LRP1B: variants seen among roughly 807,000 people sequenced by gnomAD.
LRP1B encodes low-density lipoprotein receptor-related protein 1B.
LRP1B carries 217 observed loss-of-function variants against 556.6 expected under a neutral mutation model. The observed-to-expected ratio is 0.39, with a 90% CI of 0.35 to 0.44. The LOEUF (loss-of-function observed/expected upper bound fraction) is 0.44. LRP1B is among the 20% of genes least tolerant of loss of function. The pLI is 1.00. For synonymous variants in LRP1B, 2,047 were observed against 1,865.8 expected (o/e 1.10, Z -2.50); for missense variants, 5,053 against 5,620.8 (o/e 0.90, Z 3.23).
chr2:141,910,126 G>C (rs1699868822), intron 1 of LRP1B, among the ~76,000 whole-genome samples: 1 of 130,806 alleles, frequency 7.6e-6, no homozygotes, highest in Non-Finnish European at 1.6e-5. Context: ...GGGTGACAGA[G>C]CGAGACTCCA....
At chr2:140,354,380 A>G (rs556113881) in intron 75 of LRP1B, among the ~76,000 whole-genome samples, 1 of 152,220 alleles carries the variant, frequency 6.6e-6, no homozygotes, top group Non-Finnish European at 1.5e-5. Context: ...TTTGCCTAAG[A>G]ACACATAAGC....
At chr2:141,329,214 C>G (rs539119617) in intron 3 of LRP1B, among the ~76,000 whole-genome samples, 1 of 151,484 alleles carries the variant, frequency 6.6e-6, no homozygotes, top group African/African-American at 2.4e-5. Flanking sequence ...ATGGTGAAAC[C>G]CTGTCTCCAC....
chr2:141,909,524 ACATTT>A (rs1699848168), intron 1 of LRP1B, among the ~76,000 whole-genome samples: 3 of 104,486 alleles, frequency 2.9e-5, no homozygotes, highest in Non-Finnish European at 3.9e-5. Flanking sequence ...AAGGTCTCAG[ACATTT>A]TTTTTTTTTT....
chr2:141,892,499 CA>C (rs11348420), intron 1 of LRP1B, among the ~76,000 whole-genome samples: 129,620 of 151,858 alleles, frequency 0.85, 55,590 homozygotes, highest in East Asian at 1. Flanking sequence ...CACAATAATG[CA>C]TTGAAGCTTC....
intron 1 of LRP1B, among the ~76,000 whole-genome samples, chr2:142,116,192 C>CAAAAAAAAAA (rs70994477): frequency 8.7e-4 from 57 of 65,412 alleles, no homozygotes; most frequent in Non-Finnish European, 1.2e-3. Flanking sequence ...GAGTCTGTCT[C>CAAAAAAAAAA]AAAAAAAAAA....
chr2:141,794,626 A>G (rs1043512118), intron 2 of LRP1B, among the ~76,000 whole-genome samples: 1 of 152,046 alleles, frequency 6.6e-6, no homozygotes, highest in Admixed American at 6.6e-5. Context: ...TTTATGATAC[A>G]TAAGATATTT....
Position 140,270,249 on chromosome 2 carries a change from C to A in LRP1B, c.13240G>T (p.Val4414Leu). 1 of 1,609,958 alleles carries A rather than the reference C, an allele frequency of 6.2e-7. No homozygotes were observed. Among genetic ancestry groups the A allele is most frequent in the Non-Finnish European group, 8.5e-7 (1 of 1,176,816 alleles). The change falls in exon 86 of 91, where the codon GTG becomes TTG. Residue 4414 changes from valine (V) to leucine (L), a missense_variant. Physicochemically the swap from Val to Leu is conservative, Grantham distance 32 (BLOSUM62 1). Coordinates refer to ENST00000389484, the MANE Select transcript of LRP1B (RefSeq NM_018557.3). ...CQLDPETNVP[V>L]CLCSTNWSGT... ...ACTTGATTAAATACTCACAGACACA[C>A]AGGTACATTTGTCTCGGGGTCCAGC... is the stretch of plus-strand genomic sequence containing the variant.
intron 1 of LRP1B, among the ~76,000 whole-genome samples, chr2:142,012,535 C>T (rs1411956694): frequency 6.6e-6 from 1 of 152,064 alleles, no homozygotes; most frequent in Non-Finnish European, 1.5e-5. Context: ...TCCATAAGTG[C>T]TGCCTGTTTC....
At chr2:140,700,073 G>T (rs1356442593) in intron 41 of LRP1B, among the ~76,000 whole-genome samples, 177 bp downstream of exon 41, 1 of 125,954 alleles carries the variant, frequency 7.9e-6, no homozygotes, top group African/African-American at 2.9e-5. Flanking sequence ...GCAATTAATT[G>T]CTTCTTTGAC....
At chr2:141,963,374 G>T (rs1481196165) in intron 1 of LRP1B, among the ~76,000 whole-genome samples, 2 of 151,970 alleles carry the variant, frequency 1.3e-5, no homozygotes, top group South Asian at 4.1e-4. Flanking sequence ...AACATTTATA[G>T]TAAGACAAGA....
intron 7 of LRP1B, among the ~76,000 whole-genome samples, chr2:141,158,507 T>C (rs1702123512): frequency 6.6e-6 from 1 of 152,118 alleles, no homozygotes; most frequent in South Asian, 2.1e-4. Context: ...GAGTCTATGC[T>C]CACCTCACTC....
At chr2:141,956,325 A>G (rs578161272) in intron 1 of LRP1B, among the ~76,000 whole-genome samples, 12 of 152,192 alleles carry the variant, frequency 7.9e-5, no homozygotes, top group African/African-American at 2.9e-4. Context: ...TTTAACTCAT[A>G]TTTATTTGAT....
At chr2:140,804,043 T>C (rs1690622529) in intron 32 of LRP1B, among the ~76,000 whole-genome samples, 1 of 150,176 alleles carries the variant, frequency 6.7e-6, no homozygotes, top group Non-Finnish European at 1.5e-5. Context: ...CTTTTTACAT[T>C]CAGGGGAAGA....
At chr2:141,210,584 T>C (rs1489502668) in intron 6 of LRP1B, among the ~76,000 whole-genome samples, 1 of 152,178 alleles carries the variant, frequency 6.6e-6, no homozygotes, top group Non-Finnish European at 1.5e-5. Flanking sequence ...AAAATGAACC[T>C]GATAAATTTC....
At chr2:142,097,064 A>AAAAC (rs10673557) in intron 1 of LRP1B, among the ~76,000 whole-genome samples, 87,848 of 149,964 alleles carry the variant, frequency 0.59, 25,885 homozygotes, top group East Asian at 0.69. Flanking sequence ...TTGCAAAAAA[A>AAAAC]AAACCCCGGT....
intron 2 of LRP1B, among the ~76,000 whole-genome samples, chr2:141,749,055 T>C (rs1156942768): frequency 6.6e-6 from 1 of 152,206 alleles, no homozygotes; most frequent in East Asian, 1.9e-4. Flanking sequence ...GGAGATATTT[T>C]TATAAAACGA....
At chr2:141,956,964 G>T (rs540951558) in intron 1 of LRP1B, among the ~76,000 whole-genome samples, 14 of 152,118 alleles carry the variant, frequency 9.2e-5, no homozygotes, top group African/African-American at 3.4e-4. Flanking sequence ...TATTAAAGGA[G>T]AAAATACTTC....
At chr2:141,188,059 T>C (rs1431857620) in intron 7 of LRP1B, among the ~76,000 whole-genome samples, 1 of 152,014 alleles carries the variant, frequency 6.6e-6, no homozygotes, top group Non-Finnish European at 1.5e-5. Context: ...CAAGTAGCAT[T>C]CTGGAGGTTT....
At chr2:141,111,205 A>G (rs2104966228) in intron 7 of LRP1B, among the ~76,000 whole-genome samples, 1 of 152,328 alleles carries the variant, frequency 6.6e-6, no homozygotes, top group African/African-American at 2.4e-5. Context: ...AAAAGCAAAT[A>G]AACTGGAATA....
Sources: allele counts gnomAD v4.1 joint callset (sites outside exome capture counted in the v4.1 genomes callset), GRCh38; gene constraint gnomAD v4.1.1; transcripts MANE v1.5; gene names NCBI Gene and HGNC (gene_info 2026-07-23, HGNC 2026-07-21).